The following CACNA1A variants were observed in gnomAD, a reference collection of about 807,000 sequenced individuals.
The protein encoded by CACNA1A is calcium voltage-gated channel subunit alpha1 A.
In CACNA1A, 57 loss-of-function variants were observed where a neutral mutation model predicts 262.4. The observed-to-expected ratio is 0.22, with a 90% CI of 0.18 to 0.27. The LOEUF (loss-of-function observed/expected upper bound fraction) is 0.27. CACNA1A is among the 10% of genes least tolerant of loss of function. The pLI, the probability that CACNA1A is intolerant of heterozygous loss-of-function variation, is 1.00. For missense variants in CACNA1A, 2,526 were observed against 3,562.8 expected (o/e 0.71, Z 7.41); for synonymous variants, 1,431 against 1,419.3 (o/e 1.01, Z -0.18).
At chr19:13,451,622 C>A (rs796462677) in intron 3 of CACNA1A, 1 of 152,238 alleles carries the variant, frequency 6.6e-6, no homozygotes, top group South Asian at 2.1e-4. Context: ...GGTCATGTGA[C>A]CGAGTTCTAG....
chr19:13,210,683 GA>G, intron 43 of CACNA1A, 31 bp from the exon 44 acceptor site: 1 of 1,553,266 alleles, frequency 6.4e-7, no homozygotes, highest in South Asian at 1.2e-5. Context: ...GGTGCACACA[GA>G]AAAAACAGAA....
At chr19:13,477,826 T>C (rs1872015129) in intron 1 of CACNA1A, among the ~76,000 whole-genome samples, 1 of 152,198 alleles carries the variant, frequency 6.6e-6, no homozygotes, top group Non-Finnish European at 1.5e-5. Flanking sequence ...GAAGCCGCCT[T>C]TCCATTATGC....
chr19:13,406,885 C>A (rs1368254408), intron 3 of CACNA1A, among the ~76,000 whole-genome samples: 1 of 151,980 alleles, frequency 6.6e-6, no homozygotes, highest in Non-Finnish European at 1.5e-5. Flanking sequence ...TGCTGACCTT[C>A]TGTAGGTTCT....
intron 38 of CACNA1A, among the ~76,000 whole-genome samples, chr19:13,223,090 T>C (rs1028782075): frequency 6.6e-6 from 1 of 152,172 alleles, no homozygotes; most frequent in African/African-American, 2.4e-5. Flanking sequence ...AGTGGTGCGA[T>C]CATGACTCAC....
At chr19:13,312,330 G>C (rs9677000) in intron 12 of CACNA1A, among the ~76,000 whole-genome samples, 1 of 152,082 alleles carries the variant, frequency 6.6e-6, no homozygotes, top group Non-Finnish European at 1.5e-5. Context: ...AAATCATATT[G>C]ATGTCCTGTT....
chr19:13,315,940 C>T (rs1210747155), intron 11 of CACNA1A: 1 of 151,704 alleles, frequency 6.6e-6, no homozygotes, highest in Non-Finnish European at 1.5e-5. Context: ...AATCACTACT[C>T]TTTATTTTAT....
At chr19:13,379,596 C>T (rs1289229505) in intron 3 of CACNA1A, among the ~76,000 whole-genome samples, 1 of 152,108 alleles carries the variant, frequency 6.6e-6, no homozygotes. Context: ...AAGGCACCTG[C>T]TCTTTACCAC....
At chr19:13,266,755 A>T (rs942059727) in intron 24 of CACNA1A, among the ~76,000 whole-genome samples, 4 of 152,114 alleles carry the variant, frequency 2.6e-5, no homozygotes, top group Admixed American at 6.6e-5. Flanking sequence ...TTGCATTTTT[A>T]GTAGAGATGG....
chr19:13,444,792 T>C (rs2060780251), intron 3 of CACNA1A, among the ~76,000 whole-genome samples: 1 of 152,070 alleles, frequency 6.6e-6, no homozygotes. Context: ...AAACCACTTG[T>C]TTGTGAGTAA....
chr19:13,306,163 C>A (rs2057898780), intron 15 of CACNA1A, among the ~76,000 whole-genome samples: 1 of 152,108 alleles, frequency 6.6e-6, no homozygotes. Flanking sequence ...AACTACCTCC[C>A]CAGGAGAAGG....
chr19:13,413,935 G>GA (rs769618010), intron 3 of CACNA1A, among the ~76,000 whole-genome samples: 2 of 132,476 alleles, frequency 1.5e-5, no homozygotes, highest in Admixed American at 7.5e-5. Context: ...AAGAAAGAAA[G>GA]AAAGAAAGAA....
chr19:13,343,473 T>A (rs554173777), intron 6 of CACNA1A, among the ~76,000 whole-genome samples: 1 of 151,972 alleles, frequency 6.6e-6, no homozygotes, highest in Non-Finnish European at 1.5e-5. Flanking sequence ...CTTTTATGGA[T>A]CCCATGAGGC....
intron 3 of CACNA1A, among the ~76,000 whole-genome samples, chr19:13,397,486 A>G (rs1461243428): frequency 1.3e-5 from 2 of 152,218 alleles, no homozygotes; most frequent in Admixed American, 6.5e-5. Flanking sequence ...GAGGTGACAC[A>G]GATCAAAATG....
Position 13,234,785 on chromosome 19 carries a change from C to T in CACNA1A, c.5249+136G>A, listed in dbSNP as rs186907762. The T allele has an allele frequency of 1.4e-4, 89 of 652,640 alleles. No homozygotes were observed. In the African/African-American group the frequency reaches 1.4e-3, roughly 11 times the overall value. 40.4% of individuals were successfully genotyped at this position (652,640 alleles called of 1,614,324 possible). A position where few individuals can be genotyped will look rare whatever the true frequency, so the allele number is the denominator to read the frequency against. On this transcript the variant is annotated intron_variant, in intron 34 of 46. Transcript: ENST00000360228. ...CTACCGGAAAAGAAGGGTGAGGGCG[C>T]GCCCCTGCCAGAAGAGAAGGAGGAG... is the stretch of plus-strand genomic sequence containing the variant.
At chr19:13,349,569 GCAAA>G (rs1324528658) in intron 6 of CACNA1A, among the ~76,000 whole-genome samples, 1 of 152,200 alleles carries the variant, frequency 6.6e-6, no homozygotes, top group East Asian at 1.9e-4. Context: ...CTTGTCTCCA[GCAAA>G]CAGTTTTGTT....
chr19:13,271,339 C>T (rs900782078), intron 24 of CACNA1A: 5 of 150,722 alleles, frequency 3.3e-5, no homozygotes, highest in Non-Finnish European at 7.4e-5. Context: ...TCCTGCCTCA[C>T]CCTCCCGAGT....
intron 3 of CACNA1A, among the ~76,000 whole-genome samples, chr19:13,421,893 GT>G (rs1022878711): frequency 6.6e-6 from 1 of 152,168 alleles, no homozygotes; most frequent in Admixed American, 6.6e-5. Context: ...TCAGGAGAGG[GT>G]TTTTGGAGGA....
At position 13,461,520 on chromosome 19, in the gene CACNA1A, T is replaced by A. The variant is rs369128044; in HGVS notation, c.294-6308A>T. 1.4e-4 allele frequency among the ~76,000 whole-genome samples: 21 copies of A among 152,268 alleles called. No individual in the cohort carries two copies. The East Asian group carries it at 3.1e-3, about 22-fold the overall frequency. ...CTGAAATATGCAATGATGTACTTGGTGCCCAGATGAAAGAAAGATGGGCTG... is the reference window on the plus strand; with the variant it reads ...CTGAAATATGCAATGATGTACTTGGAGCCCAGATGAAAGAAAGATGGGCTG... On this transcript the variant is annotated intron_variant, in intron 1 of 46. Coordinates refer to ENST00000360228, the MANE Select transcript of CACNA1A (RefSeq NM_001127222.2).
chr19:13,261,406 ACCT>A (rs2056731611), intron 26 of CACNA1A, 41 bp downstream of exon 26: 1 of 1,521,822 alleles, frequency 6.6e-7, no homozygotes, highest in East Asian at 2.4e-5. Context: ...CCCCCTGCCC[ACCT>A]GCTGGTTCCA....
Sources: allele counts gnomAD v4.1 joint callset (sites outside exome capture counted in the v4.1 genomes callset), GRCh38; gene constraint gnomAD v4.1.1; transcripts MANE v1.5; gene names NCBI Gene and HGNC (gene_info 2026-07-23, HGNC 2026-07-21).